The following MDGA2 variants were observed in gnomAD, a reference collection of about 807,000 sequenced individuals.
The protein encoded by MDGA2 is MAM domain containing glycosylphosphatidylinositol anchor 2.
Under a neutral mutation model 117.8 loss-of-function variants are expected in MDGA2, and 40 were observed. That is an observed-to-expected ratio of 0.34 (90% CI 0.26 to 0.44). The LOEUF (loss-of-function observed/expected upper bound fraction) is 0.44. Among genes scored for constraint, MDGA2 ranks in the 20% least tolerant of loss-of-function variants. The pLI is 1.00. For missense variants in MDGA2, 1,123 were observed against 1,250.6 expected, an observed-to-expected ratio of 0.90 and a Z score of 1.54; for synonymous variants, 452 against 439.0, an observed-to-expected ratio of 1.03 and a Z score of -0.37.
intron 2 of MDGA2, among the ~76,000 whole-genome samples, chr14:47,219,057 T>A (rs939444614): frequency 6.6e-6 from 1 of 151,946 alleles, no homozygotes; most frequent in African/African-American, 2.4e-5. Flanking sequence ...AAAGTAAAAA[T>A]AATTTGATTT....
chr14:47,660,094 T>C (rs1377546650), intron 1 of MDGA2, among the ~76,000 whole-genome samples: 1 of 152,162 alleles, frequency 6.6e-6, no homozygotes, highest in African/African-American at 2.4e-5. Context: ...ACAACAGTTA[T>C]ACTACAGAAT....
At chr14:47,646,270 T>TC (rs1897532827) in intron 1 of MDGA2, among the ~76,000 whole-genome samples, 1 of 152,076 alleles carries the variant, frequency 6.6e-6, no homozygotes, top group African/African-American at 2.4e-5. Context: ...AAAGCATACT[T>TC]CAAGAATCCA....
At chr14:47,160,947 G>A (rs1883607778) in intron 3 of MDGA2, among the ~76,000 whole-genome samples, 2 of 152,236 alleles carry the variant, frequency 1.3e-5, no homozygotes, top group Admixed American at 1.3e-4. Context: ...ACTGCATGAA[G>A]CATCTCTTAA....
At chr14:47,155,256 T>C (rs1243620396) in intron 3 of MDGA2, among the ~76,000 whole-genome samples, 3 of 152,106 alleles carry the variant, frequency 2.0e-5, no homozygotes, top group African/African-American at 7.2e-5. Context: ...GCTCACTGGA[T>C]GCGGGACAAG....
intron 1 of MDGA2, among the ~76,000 whole-genome samples, chr14:47,625,389 C>T (rs1446467851): frequency 6.6e-6 from 1 of 152,060 alleles, no homozygotes; most frequent in Non-Finnish European, 1.5e-5. Flanking sequence ...TTTACTTAGT[C>T]TCCTATTAAA....
rs146001618 is a variant in MDGA2, at chr14:47,383,983, T to TAGATA, written c.281-82434_281-82433insTATCT. On this transcript the variant is annotated intron_variant, in intron 1 of 16. Transcript: ENST00000399232. ...CTATGTATAGAGTTAAATAGATAGA[T>TAGATA]GATAGATAGATAGATAGATAGATAG... Among the ~76,000 whole-genome samples, 8 of 141,674 alleles carry TAGATA rather than the reference T, an allele frequency of 5.6e-5. No individual in the cohort carries two copies. In the East Asian group the frequency reaches 8.6e-4, roughly 15 times the overall value. The allele number at this position is 141,674 out of a possible 152,430, so 92.9% of individuals were successfully genotyped here.
rs567781908 is a variant in MDGA2, at chr14:47,250,569, C to A, written c.421-32374G>T. On this transcript the variant is annotated intron_variant, in intron 2 of 16. Transcript: ENST00000399232. ...ATAGAGTTCATAGAAGGGACTGAATCGACTAGAGTTCTCTTCTTCCACCAT... is the reference window on the plus strand; with the variant it reads ...ATAGAGTTCATAGAAGGGACTGAATAGACTAGAGTTCTCTTCTTCCACCAT... Among the ~76,000 whole-genome samples the A allele has an allele frequency of 2.2e-4, 34 of 152,182 alleles. No individual in the cohort carries two copies. In the South Asian group the frequency reaches 6.6e-3, roughly 30 times the overall value.
chr14:47,107,427 A>G (rs56032300), intron 5 of MDGA2, among the ~76,000 whole-genome samples: 16,882 of 151,794 alleles, frequency 0.11, 1,072 homozygotes, highest in Admixed American at 0.11. Flanking sequence ...ATTCTGTTCT[A>G]GATCTCAAAC....
In MDGA2 at chr14:47,110,126, T is replaced by C. The variant is rs151122973; in HGVS notation, c.926-13003A>G. On this transcript the variant is annotated intron_variant, in intron 5 of 16. Transcript: ENST00000399232. ...ATGTTTTATATTACTAACAAGGAGA[T>C]GGCAAAGCATTTATCTATCAAAATG... is the stretch of plus-strand genomic sequence containing the variant. Among the ~76,000 whole-genome samples the C allele has an allele frequency of 5.6e-3, 849 of 151,510 alleles. 2 individuals carry two copies. The highest frequency in any genetic ancestry group is 0.01 in the Non-Finnish European group (702 of 67,968).
intron 3 of MDGA2, among the ~76,000 whole-genome samples, chr14:47,146,661 T>C (rs1481508590): frequency 2.0e-5 from 3 of 152,204 alleles, no homozygotes; most frequent in African/African-American, 7.2e-5. Flanking sequence ...ATAATCTCTT[T>C]AGTCACAGGC....
At chr14:47,216,605 A>G (rs1886097742) in intron 3 of MDGA2, among the ~76,000 whole-genome samples, 1 of 152,136 alleles carries the variant, frequency 6.6e-6, no homozygotes, top group Admixed American at 6.6e-5. Context: ...AAGTTTTTAG[A>G]TTTTACAATT....
intron 1 of MDGA2, among the ~76,000 whole-genome samples, chr14:47,323,896 A>G (rs34486351): frequency 0.13 from 19,657 of 152,146 alleles, 1,409 homozygotes; most frequent in African/African-American, 0.19. Flanking sequence ...ACTAAATTTA[A>G]TTCAATTTGA....
At chr14:46,948,499 C>T (rs983497224) in intron 9 of MDGA2, among the ~76,000 whole-genome samples, 3 of 151,928 alleles carry the variant, frequency 2.0e-5, no homozygotes, top group Admixed American at 2.0e-4. Context: ...GTTTGAAATA[C>T]TCTAGGTCCA....
At chr14:47,519,785 A>G (rs1894832201) in intron 1 of MDGA2, among the ~76,000 whole-genome samples, 1 of 152,162 alleles carries the variant, frequency 6.6e-6, no homozygotes, top group Non-Finnish European at 1.5e-5. Context: ...TTTGTGAGAT[A>G]ATGATATCCA....
chr14:47,628,347 C>A (rs977763144), intron 1 of MDGA2, among the ~76,000 whole-genome samples: 1 of 152,176 alleles, frequency 6.6e-6, no homozygotes, highest in Non-Finnish European at 1.5e-5. Context: ...TCCATAAGTT[C>A]CATGAGGTCT....
chr14:47,395,670 T>C (rs1332626204), intron 1 of MDGA2, among the ~76,000 whole-genome samples: 1 of 152,066 alleles, frequency 6.6e-6, no homozygotes, highest in East Asian at 1.9e-4. Flanking sequence ...GACTGAATTA[T>C]AGACAATGAA....
chr14:47,648,168 A>T (rs1420057760), intron 1 of MDGA2, among the ~76,000 whole-genome samples: 1 of 152,164 alleles, frequency 6.6e-6, no homozygotes, highest in East Asian at 1.9e-4. Context: ...GTTAAGAGAC[A>T]TGAATACAGA....
intron 1 of MDGA2, among the ~76,000 whole-genome samples, chr14:47,339,551 G>A (rs1890558812): frequency 6.6e-6 from 1 of 151,966 alleles, no homozygotes; most frequent in African/African-American, 2.4e-5. Flanking sequence ...GTGTGCCTGT[G>A]AAATCTGGTT....
At chr14:47,523,452 T>C (rs1894910618) in intron 1 of MDGA2, among the ~76,000 whole-genome samples, 1 of 152,234 alleles carries the variant, frequency 6.6e-6, no homozygotes, top group South Asian at 2.1e-4. Flanking sequence ...TATGTGTTAG[T>C]ATGCTTTTAG....
Sources: allele counts gnomAD v4.1 joint callset (sites outside exome capture counted in the v4.1 genomes callset), GRCh38; gene constraint gnomAD v4.1.1; transcripts MANE v1.5; gene names NCBI Gene and HGNC (gene_info 2026-07-23, HGNC 2026-07-21).